Variants in DOCK1 observed in about 807,000 individuals in gnomAD.
DOCK1 encodes the protein dedicator of cytokinesis 1, also known as dedicator of cytokinesis protein 1.
DOCK1 carries 138 observed loss-of-function variants against 262.7 expected under a neutral mutation model. The ratio of observed to expected loss-of-function variants is 0.53; its 90% CI spans 0.46 to 0.61. DOCK1 has a LOEUF of 0.61. DOCK1 is among the 20% of genes least tolerant of loss of function. The pLI, the probability that DOCK1 is intolerant of heterozygous loss-of-function variation, is 0.00. For synonymous variants in DOCK1, 866 were observed against 867.4 expected (o/e 1.00, Z 0.03); for missense variants, 1,908 against 2,370.7 (o/e 0.80, Z 4.05).
At chr10:126,979,070 C>T (rs1022005118) in intron 3 of DOCK1, among the ~76,000 whole-genome samples, 2 of 152,204 alleles carry the variant, frequency 1.3e-5, no homozygotes, top group African/African-American at 4.8e-5. Context: ...GACCTCTTAC[C>T]TCCACCTTGC....
chr10:126,927,646 G>C (rs999466824), intron 1 of DOCK1, among the ~76,000 whole-genome samples: 1 of 152,012 alleles, frequency 6.6e-6, no homozygotes, highest in Non-Finnish European at 1.5e-5. Flanking sequence ...CTTGTTGGTC[G>C]TGCTGGCCTC....
intron 1 of DOCK1, among the ~76,000 whole-genome samples, chr10:126,939,527 TTTAAC>T (rs1165672950): frequency 6.6e-6 from 1 of 152,230 alleles, no homozygotes; most frequent in Non-Finnish European, 1.5e-5. Context: ...GTGTTTTTAC[TTTAAC>T]TTAAAGTTAT....
intron 29 of DOCK1, among the ~76,000 whole-genome samples, chr10:127,305,582 T>G (rs774372329): frequency 6.6e-6 from 1 of 152,136 alleles, no homozygotes; most frequent in African/African-American, 2.4e-5. Flanking sequence ...AGAAATGAGA[T>G]GTGCCCTCAG....
chr10:127,362,991 CCCCACA>C (rs2064655496), intron 33 of DOCK1, among the ~76,000 whole-genome samples: 1 of 47,570 alleles, frequency 2.1e-5, no homozygotes, highest in Non-Finnish European at 4.0e-5. Flanking sequence ...ACACATCCCC[CCCCACA>C]CACACACGCA....
In DOCK1 at chr10:126,905,571, GCGCCGC is replaced by G. The variant is rs747039087; in HGVS notation, c.46+18_46+23del. On this transcript the variant is annotated intron_variant, in intron 1 of 51. Coordinates refer to ENST00000623213, the MANE Select transcript of DOCK1 (RefSeq NM_001290223.2). Reference sequence around the variant, plus strand: ...AGGAGAAGTACGGCGTGGGTGAGCAGCGCCGCCGCCGCCGCGCCTCTCGCCCCAAGC... The same window carrying G: ...AGGAGAAGTACGGCGTGGGTGAGCAGCGCCGCCGCGCCTCTCGCCCCAAGC... 3 of 400,224 alleles carry G rather than the reference GCGCCGC, an allele frequency of 7.5e-6. No homozygotes were observed. The highest frequency in any genetic ancestry group is 1.3e-5 in the Non-Finnish European group (3 of 222,504). The allele number at this position is 400,224 out of a possible 1,614,324, so 24.8% of individuals were successfully genotyped here.
At chr10:127,444,329 C>G in intron 50 of DOCK1, 50 bp downstream of exon 50, 1 of 1,532,074 alleles carries the variant, frequency 6.5e-7, no homozygotes, top group Non-Finnish European at 8.8e-7. Context: ...TCCGTGACTT[C>G]CCCTCACTGA....
intron 3 of DOCK1, among the ~76,000 whole-genome samples, chr10:126,980,402 C>T (rs1385362841): frequency 6.6e-6 from 1 of 152,060 alleles, no homozygotes; most frequent in East Asian, 1.9e-4. Context: ...CACCATCTTG[C>T]CCTGGCTGTT....
In DOCK1 at chr10:127,362,112, A is replaced by T; in HGVS notation, c.3332A>T (p.Glu1111Val). The T allele has an allele frequency of 6.2e-7, 1 of 1,613,852 alleles. No homozygotes were observed. The highest frequency in any genetic ancestry group is 8.5e-7 in the Non-Finnish European group (1 of 1,179,838). Residue 1111 changes from glutamate to valine, a missense_variant, in exon 33 of 52, where the codon GAA becomes GTA. Around this residue, in one of 9 missense-constraint regions of DOCK1, gnomAD observed 518 missense variants for 575.1 expected, o/e 0.90. Coordinates refer to ENST00000623213, the MANE Select transcript of DOCK1 (RefSeq NM_001290223.2). ...FIPEMVGPIL[E>V]MTLIPETELR... ...CCAGAAATGGTGGGCCCAATATTAG[A>T]AATGACATTAATTCCCGAGACGGAG...
chr10:127,246,752 G>A (rs573703533), intron 27 of DOCK1, among the ~76,000 whole-genome samples: 2 of 152,280 alleles, frequency 1.3e-5, no homozygotes, highest in South Asian at 4.1e-4. Flanking sequence ...GAAAATATTG[G>A]ATTTTAACAT....
At chr10:127,007,601 G>A (rs1165346300) in intron 10 of DOCK1, 1 of 152,196 alleles carries the variant, frequency 6.6e-6, no homozygotes, top group East Asian at 1.9e-4. Flanking sequence ...AAAAGGAATT[G>A]TTTGAAAGGT....
chr10:127,307,862 T>C (rs2135476526), intron 29 of DOCK1, among the ~76,000 whole-genome samples: 1 of 152,328 alleles, frequency 6.6e-6, no homozygotes, highest in East Asian at 1.9e-4. Context: ...CCGTCTCTCC[T>C]GTCCGTGAGT....
At chr10:126,986,285 A>G (rs1322535811) in intron 4 of DOCK1, among the ~76,000 whole-genome samples, 2 of 151,926 alleles carry the variant, frequency 1.3e-5, no homozygotes, top group African/African-American at 4.8e-5. Context: ...CCTCCCCTCC[A>G]CTGTCAATAA....
rs1467291797 is a variant in DOCK1, at chr10:127,362,823, CCACACCCACACATACACA to C, written c.3432+617_3432+634del. Among the ~76,000 whole-genome samples the C allele has an allele frequency of 6.2e-4, 8 of 12,836 alleles. 1 individual carries two copies. The highest frequency in any genetic ancestry group is 2.6e-3 in the East Asian group (1 of 380). The allele number at this position is 12,836 out of a possible 152,430, so 8.4% of individuals were successfully genotyped here. On this transcript the variant is annotated intron_variant, in intron 33 of 51. Transcript: ENST00000623213. The stretch of plus-strand genomic sequence containing the variant: ...TGTTTATGTATTCTTGGGTTGGCAC[CCACACCCACACATACACA>C]CACACACACACATGTACATCCCCAC...
rs527817763 is a variant in DOCK1, at chr10:127,333,542, T to G, written c.3045-5464T>G. Among the ~76,000 whole-genome samples the G allele has an allele frequency of 4.1e-4, 63 of 152,376 alleles. 1 individual carries two copies. The highest frequency in any genetic ancestry group is 1.4e-3 in the African/African-American group (60 of 41,594). On this transcript the variant is annotated intron_variant, in intron 29 of 51. Coordinates refer to ENST00000623213, the MANE Select transcript of DOCK1 (RefSeq NM_001290223.2). ...TAATTATTTAGGACTATGCTACTTTTGTTACTGGCACATGGCTTTCCAAAT... is the reference window on the plus strand; with the variant it reads ...TAATTATTTAGGACTATGCTACTTTGGTTACTGGCACATGGCTTTCCAAAT...
At chr10:127,392,865 A>G (rs35307486) in intron 38 of DOCK1, among the ~76,000 whole-genome samples, 73,164 of 152,056 alleles carry the variant, frequency 0.48, 17,989 homozygotes, top group African/African-American at 0.52. Context: ...TTAGCACGAC[A>G]TTCACTGCAA....
At chr10:127,027,882 G>T (rs2042977278) in intron 16 of DOCK1, among the ~76,000 whole-genome samples, 2 of 152,214 alleles carry the variant, frequency 1.3e-5, no homozygotes, top group African/African-American at 4.8e-5. Flanking sequence ...TCATCGAGAA[G>T]CTTGGGCCTG....
At chr10:127,157,214 A>G (rs1277257754) in intron 27 of DOCK1, among the ~76,000 whole-genome samples, 2 of 152,216 alleles carry the variant, frequency 1.3e-5, no homozygotes, top group African/African-American at 4.8e-5. Flanking sequence ...GATGGTAATG[A>G]AAAAGCAGTC....
chr10:127,400,853 AG>A (rs779158306), intron 38 of DOCK1, among the ~76,000 whole-genome samples: 21 of 152,094 alleles, frequency 1.4e-4, no homozygotes, highest in Non-Finnish European at 1.3e-4. Context: ...GGAGACCTCT[AG>A]TTTAAGGTTT....
chr10:127,176,811 T>A lies in DOCK1; in HGVS notation c.2847+49047T>A, dbSNP rs1408381090. On this transcript the variant is annotated intron_variant, in intron 27 of 51. Coordinates refer to ENST00000623213, the MANE Select transcript of DOCK1 (RefSeq NM_001290223.2). This position sits in a 1 kb window ranked among gnomAD's most constrained non-coding sequence, Gnocchi z 4.4. ...ACTTATTTGGTTTGCGTTTTGACTA[T>A]TTTTTGAGGATGACGTCATTAATCT... The A allele has an allele frequency of 6.2e-6, 1 of 160,864 alleles. No homozygotes were observed. The highest frequency in any genetic ancestry group is 2.4e-5 in the African/African-American group (1 of 41,666). 10.0% of individuals were successfully genotyped at this position (160,864 alleles called of 1,614,324 possible).
Sources: gnomAD v4.1 joint callset for allele counts (sites outside exome capture counted in the v4.1 genomes callset) on GRCh38, gnomAD v4.1.1 for gene constraint, gnomAD v4.1.1 regional missense constraint, Gnocchi (gnomAD v3.1) non-coding constraint, MANE v1.5 for transcripts, NCBI Gene and HGNC (gene_info 2026-07-23, HGNC 2026-07-21) for gene names.